Variants in CDH13 observed in about 807,000 individuals in gnomAD.
CDH13 encodes the protein cadherin-13.
CDH13 carries 24 observed loss-of-function variants against 63.8 expected under a neutral mutation model. The ratio of observed to expected loss-of-function variants is 0.38; its 90% CI spans 0.27 to 0.53. The LOEUF (loss-of-function observed/expected upper bound fraction) is 0.53, where lower values mean the gene tolerates loss of function less well. Among genes scored for constraint, CDH13 ranks in the 20% least tolerant of loss-of-function variants. CDH13 has a pLI of 0.85. For synonymous variants in CDH13, 503 were observed against 355.3 expected (o/e 1.42, Z -4.67); for missense variants, 1,049 against 903.1 (o/e 1.16, Z -2.07).
At chr16:82,760,150 A>G (rs1403040492) in intron 1 of CDH13, among the ~76,000 whole-genome samples, 1 of 152,148 alleles carries the variant, frequency 6.6e-6, no homozygotes, top group Non-Finnish European at 1.5e-5. Flanking sequence ...ATTTTCCAGA[A>G]CACCTATTTC....
chr16:83,797,608 G>C lies in CDH13; in HGVS notation c.*2578G>C, dbSNP rs1008408175. On this transcript the variant is annotated 3_prime_UTR_variant, in exon 14 of 14. Transcript: ENST00000567109. Reference sequence around the variant, plus strand: ...TCATAAGATGTTTTGTTCATTTGCTGGAATATATTACATTGTTTACTGAAA... The same window carrying C: ...TCATAAGATGTTTTGTTCATTTGCTCGAATATATTACATTGTTTACTGAAA... The C allele has an allele frequency of 4.6e-5, 7 of 152,088 alleles. No individual in the cohort carries two copies. Among genetic ancestry groups the C allele is most frequent in the African/African-American group, 1.7e-4 (7 of 41,408 alleles). The allele number at this position is 152,088 out of a possible 1,614,324, so 9.4% of individuals were successfully genotyped here. A position where few individuals can be genotyped will look rare whatever the true frequency, so the allele number is the denominator to read the frequency against.
intron 10 of CDH13, among the ~76,000 whole-genome samples, chr16:83,730,972 T>A (rs889110474): frequency 6.6e-6 from 1 of 152,254 alleles, no homozygotes; most frequent in Non-Finnish European, 1.5e-5. Flanking sequence ...GCTGCATCCA[T>A]GTTGCTGCAA....
chr16:83,394,573 C>G (rs1316631830), intron 6 of CDH13, among the ~76,000 whole-genome samples: 2 of 152,132 alleles, frequency 1.3e-5, no homozygotes, highest in Non-Finnish European at 2.9e-5. Flanking sequence ...AGTAAAGAAC[C>G]CAGCGTTTAC....
At chr16:83,384,512 T>G (rs1296124414) in intron 6 of CDH13, among the ~76,000 whole-genome samples, 1 of 152,226 alleles carries the variant, frequency 6.6e-6, no homozygotes, top group East Asian at 1.9e-4. Context: ...ATCAACACCT[T>G]GAGCTGCCCC....
intron 3 of CDH13, among the ~76,000 whole-genome samples, chr16:83,057,517 T>A (rs2031070478): frequency 6.6e-6 from 1 of 152,182 alleles, no homozygotes; most frequent in Non-Finnish European, 1.5e-5. Context: ...TAAGTTTTTT[T>A]CAAAAGTAGT....
intron 1 of CDH13, among the ~76,000 whole-genome samples, chr16:82,851,383 C>G (rs182161447): frequency 2.1e-5 from 3 of 144,274 alleles, no homozygotes; most frequent in Non-Finnish European, 4.5e-5. Context: ...TGCAGTGAGC[C>G]AAGATTGCAC....
At chr16:83,275,694 T>C (rs1413187212) in intron 5 of CDH13, among the ~76,000 whole-genome samples, 1 of 152,102 alleles carries the variant, frequency 6.6e-6, no homozygotes, top group Non-Finnish European at 1.5e-5. Flanking sequence ...TTGTCACTTG[T>C]GACTACAGGA....
intron 1 of CDH13, among the ~76,000 whole-genome samples, chr16:82,692,049 A>G (rs1489768468): frequency 3.9e-5 from 6 of 152,222 alleles, no homozygotes; most frequent in African/African-American, 1.4e-4. Context: ...TGTCACTTTT[A>G]GGGGATATGG....
At chr16:82,845,598 A>G (rs2039221270) in intron 1 of CDH13, among the ~76,000 whole-genome samples, 1 of 152,124 alleles carries the variant, frequency 6.6e-6, no homozygotes, top group South Asian at 2.1e-4. Flanking sequence ...TTCTTGGTGT[A>G]GACCAGACAA....
intron 1 of CDH13, among the ~76,000 whole-genome samples, chr16:82,711,851 A>G (rs1228307521): frequency 1.3e-5 from 2 of 152,204 alleles, no homozygotes; most frequent in African/African-American, 4.8e-5. Flanking sequence ...AATCTTCACA[A>G]CGGTGCTCTG....
intron 6 of CDH13, among the ~76,000 whole-genome samples, chr16:83,470,470 T>C (rs1485523346): frequency 1.3e-5 from 2 of 152,222 alleles, no homozygotes; most frequent in Non-Finnish European, 2.9e-5. Context: ...CTTGGTTTTT[T>C]CCTTTAGCTT....
intron 5 of CDH13, among the ~76,000 whole-genome samples, chr16:83,274,873 C>G (rs11647684): frequency 0.12 from 18,772 of 152,136 alleles, 1,396 homozygotes; most frequent in Non-Finnish European, 0.16. Flanking sequence ...AGTTTGGGGA[C>G]TTCCTTCTTA....
intron 6 of CDH13, among the ~76,000 whole-genome samples, chr16:83,444,903 T>A (rs1212870091): frequency 1.7e-5 from 1 of 59,316 alleles, no homozygotes; most frequent in Non-Finnish European, 4.3e-5. Context: ...CACGGAAGAC[T>A]CCAAAAATGG....
intron 1 of CDH13, among the ~76,000 whole-genome samples, chr16:82,799,654 T>A (rs2036755394): frequency 1.3e-5 from 2 of 152,256 alleles, no homozygotes; most frequent in South Asian, 4.1e-4. Flanking sequence ...TTCAGCACAT[T>A]TTCTCATATT....
chr16:83,657,863 T>C (rs1289769724), intron 8 of CDH13, among the ~76,000 whole-genome samples: 1 of 151,026 alleles, frequency 6.6e-6, no homozygotes, highest in Non-Finnish European at 1.5e-5. Context: ...AGGTCCCATA[T>C]CCTCACCAGC....
intron 8 of CDH13, among the ~76,000 whole-genome samples, chr16:83,668,588 G>T (rs947035490): frequency 6.6e-6 from 1 of 152,220 alleles, no homozygotes; most frequent in South Asian, 2.1e-4. Flanking sequence ...ATAAGCAGGG[G>T]CAGAGAACCA....
intron 1 of CDH13, among the ~76,000 whole-genome samples, chr16:82,725,509 A>G (rs1415059863): frequency 2.0e-5 from 3 of 152,178 alleles, no homozygotes; most frequent in Non-Finnish European, 4.4e-5. Flanking sequence ...GAAAATAGTA[A>G]CTGCCACATT....
chr16:83,230,031 A>C (rs1567523700), intron 5 of CDH13, among the ~76,000 whole-genome samples: 1 of 152,198 alleles, frequency 6.6e-6, no homozygotes, highest in Non-Finnish European at 1.5e-5. Context: ...GTCCTCCTTC[A>C]ATGGATCATT....
At chr16:83,084,592 TA>T (rs1039216180) in intron 3 of CDH13, among the ~76,000 whole-genome samples, 1 of 152,200 alleles carries the variant, frequency 6.6e-6, no homozygotes, top group African/African-American at 2.4e-5. Flanking sequence ...ACAGCTGATT[TA>T]AAATAGCTTA....
Sources: gnomAD v4.1 joint callset for allele counts (sites outside exome capture counted in the v4.1 genomes callset) on GRCh38, gnomAD v4.1.1 for gene constraint, MANE v1.5 for transcripts, NCBI Gene and HGNC (gene_info 2026-07-23, HGNC 2026-07-21) for gene names.